The following SHISA7 variants were observed in gnomAD, a reference collection of about 807,000 sequenced individuals.
SHISA7 encodes the protein protein shisa-7.
Under a neutral mutation model 23.9 loss-of-function variants are expected in SHISA7, and 6 were observed. The observed-to-expected ratio is 0.25, with a 90% CI of 0.14 to 0.50. SHISA7 has a LOEUF of 0.50. SHISA7 is among the 20% of genes least tolerant of loss of function. SHISA7 has a pLI of 0.98. For synonymous variants in SHISA7, 386 were observed against 398.3 expected, an observed-to-expected ratio of 0.97 and a Z score of 0.37; for missense variants, 671 against 801.1, an observed-to-expected ratio of 0.84 and a Z score of 1.96.
chr19:55,433,576 C>T lies in SHISA7; in HGVS notation c.1197G>A (p.Glu399=). Residue 399 remains glutamate, a synonymous_variant, in exon 4 of 4, where the codon GAG becomes GAA. Coordinates refer to ENST00000376325, the MANE Select transcript of SHISA7 (RefSeq NM_001145176.2). The surrounding 1 kb of genome is among the most constrained non-coding windows in gnomAD (Gnocchi z 8.4). ...CCAGGCGCGCGCGCGGCAGCGTGAA[C>T]TCGTAGCGCGAACGGCCACCATCGC... ...LLGDGGRSRY[E]FTLPRARLVS... The T allele has an allele frequency of 6.7e-7, 1 of 1,498,636 alleles. No individual in the cohort carries two copies. The highest frequency in any genetic ancestry group is 8.8e-7 in the Non-Finnish European group (1 of 1,130,134). 92.8% of individuals were successfully genotyped at this position (1,498,636 alleles called of 1,614,324 possible). A position where few individuals can be genotyped will look rare whatever the true frequency, so the allele number is the denominator to read the frequency against.
intron 3 of SHISA7, among the ~76,000 whole-genome samples, chr19:55,434,587 GGT>G (rs1244313622): frequency 3.7e-4 from 45 of 121,694 alleles, no homozygotes; most frequent in East Asian, 1.3e-3. Flanking sequence ...GTGTGTGTGT[GGT>G]GTGTGTGTGG....
chr19:55,434,394 TTG>T (rs535760395), intron 3 of SHISA7, among the ~76,000 whole-genome samples: 105 of 104,788 alleles, frequency 1.0e-3, no homozygotes, highest in South Asian at 9.0e-3. Flanking sequence ...GGTGTGTGGT[TTG>T]TGTGTGGTGT....
Position 55,432,408 on chromosome 19 carries a change from T to G in SHISA7, c.*748A>C, listed in dbSNP as rs1985229327. The G allele has an allele frequency of 6.6e-6, 1 of 152,554 alleles. No homozygotes were observed. Among genetic ancestry groups the G allele is most frequent in the Non-Finnish European group, 1.5e-5 (1 of 68,006 alleles). The allele number at this position is 152,554 out of a possible 1,614,324, so 9.5% of individuals were successfully genotyped here. On this transcript the variant is annotated 3_prime_UTR_variant, in exon 4 of 4. Coordinates refer to ENST00000376325, the MANE Select transcript of SHISA7 (RefSeq NM_001145176.2). The surrounding 1 kb of genome is among the most constrained non-coding windows in gnomAD (Gnocchi z 4.6). ...GATGACATCACAGGAAGAGGCACGGTCCCTCTGATGACGTCATAGGGCAAG... is the reference window on the plus strand; with the variant it reads ...GATGACATCACAGGAAGAGGCACGGGCCCTCTGATGACGTCATAGGGCAAG...
chr19:55,440,128 C>T (rs1054760339), intron 2 of SHISA7, among the ~76,000 whole-genome samples: 15 of 152,096 alleles, frequency 9.9e-5, no homozygotes, highest in Admixed American at 1.3e-4. Context: ...TTCATTTGCT[C>T]TTCACCATAA....
intron 1 of SHISA7, 132 bp from the exon 2 acceptor site, chr19:55,440,897 A>G: frequency 3.4e-6 from 3 of 883,508 alleles, no homozygotes; most frequent in Non-Finnish European, 4.5e-6. Flanking sequence ...GCCATTGGCC[A>G]CGCCCCTTTC....
chr19:55,442,544 C>T lies in SHISA7; in HGVS notation c.320G>A (p.Cys107Tyr). The change falls in exon 1 of 4, where the codon TGT (cysteine) becomes TAT (tyrosine). Residue 107 changes from cysteine to tyrosine, a missense_variant. This residue lies in a region of SHISA7 where 48 missense variants were observed against 111.0 expected (regional missense o/e 0.43). Transcript: ENST00000376325. ...GCAGAAGCGGTAGTGGCAGGTGCCACAGCAGAAGCGGTAGGAGCCGGTGCT... is the reference window on the plus strand; with the variant it reads ...GCAGAAGCGGTAGTGGCAGGTGCCATAGCAGAAGCGGTAGGAGCCGGTGCT... Reference protein sequence around the residue: ...NCSTGSYRFCCGTCHYRFCCE... With the variant: ...NCSTGSYRFCYGTCHYRFCCE... 1 of 1,480,580 alleles carries T rather than the reference C, an allele frequency of 6.8e-7. No individual in the cohort carries two copies. 91.7% of individuals were successfully genotyped at this position (1,480,580 alleles called of 1,614,324 possible).
intron 2 of SHISA7, 146 bp downstream of exon 2, chr19:55,440,465 G>A: frequency 1.3e-6 from 1 of 763,842 alleles, no homozygotes; most frequent in Non-Finnish European, 1.8e-6. Flanking sequence ...GCCTTTCGCA[G>A]GGCAGGACCC....
intron 1 of SHISA7, among the ~76,000 whole-genome samples, chr19:55,441,768 C>T (rs998546801): frequency 6.6e-6 from 1 of 152,152 alleles, no homozygotes; most frequent in African/African-American, 2.4e-5. Context: ...TAGGTGGGGA[C>T]GATGATTAGT....
chr19:55,429,375 T>C lies in SHISA7; in HGVS notation c.*3781A>G, dbSNP rs1192953755. On this transcript the variant is annotated 3_prime_UTR_variant, in exon 4 of 4. Coordinates refer to ENST00000376325, the MANE Select transcript of SHISA7 (RefSeq NM_001145176.2). The stretch of plus-strand genomic sequence containing the variant: ...TGGCTCCTTTCTGGGGAAGTCACAG[T>C]TGGCCTGAGCAGTGCGGGGCTGGGG... 6.6e-6 allele frequency: 1 copy of C among 152,618 alleles called. No homozygotes were observed. The highest frequency in any genetic ancestry group is 1.5e-5 in the Non-Finnish European group (1 of 68,472). The allele number at this position is 152,618 out of a possible 1,614,324, so 9.5% of individuals were successfully genotyped here.
At position 55,433,435 on chromosome 19, in the gene SHISA7, G is replaced by A; in HGVS notation, c.1338C>T (p.Ser446=). The change falls in exon 4 of 4, where the codon AGC becomes AGT. Residue 446 remains serine, a synonymous_variant. Transcript: ENST00000376325. The surrounding 1 kb of genome is among the most constrained non-coding windows in gnomAD (Gnocchi z 8.4). ...GCAGGTTGGAGTGCGAGGCGGCCAG[G>A]CTGGCCCGGGCGGTGGGGTCGGGGG... is the stretch of plus-strand genomic sequence containing the variant. ...ALPPDPTARA[S]LAASHSNLLL... 1.5e-6 allele frequency: 2 copies of A among 1,331,094 alleles called. No individual in the cohort carries two copies. Among genetic ancestry groups the A allele is most frequent in the Non-Finnish European group, 1.9e-6 (2 of 1,048,970 alleles). 82.5% of individuals were successfully genotyped at this position (1,331,094 alleles called of 1,614,324 possible).
intron 3 of SHISA7, among the ~76,000 whole-genome samples, chr19:55,434,228 G>GT (rs1985294918): frequency 6.6e-6 from 1 of 152,140 alleles, no homozygotes; most frequent in Non-Finnish European, 1.5e-5. Context: ...GGAATCAGGG[G>GT]TAAGTGTTGG....
At chr19:55,435,286 T>TGATTGAAATATTAAAGG (rs1985420593) in intron 3 of SHISA7, among the ~76,000 whole-genome samples, 1 of 133,486 alleles carries the variant, frequency 7.5e-6, no homozygotes, top group East Asian at 2.3e-4. Flanking sequence ...TGCGTGTGTG[T>TGATTGAAATATTAAAGG]ATATGTGGTG....
Position 55,433,639 on chromosome 19 carries a change from G to A in SHISA7, c.1134C>T (p.Pro378=). Residue 378 remains proline, a synonymous_variant, in exon 4 of 4, where the codon CCC becomes CCT. Coordinates refer to ENST00000376325, the MANE Select transcript of SHISA7 (RefSeq NM_001145176.2). This position sits in a 1 kb window ranked among gnomAD's most constrained non-coding sequence, Gnocchi z 8.4. ...GPEELGLAPA[P]NPRRVMSQEH... ...CCTGGGACATGACCCGCCGGGGGTT[G>A]GGCGCGGGCGCCAGGCCCAGCTCCT... 3 of 1,489,940 alleles carry A rather than the reference G, an allele frequency of 2.0e-6. No homozygotes were observed. Among genetic ancestry groups the A allele is most frequent in the Non-Finnish European group, 1.8e-6 (2 of 1,127,206 alleles). The allele number at this position is 1,489,940 out of a possible 1,614,324, so 92.3% of individuals were successfully genotyped here. A position where few individuals can be genotyped will look rare whatever the true frequency, so the allele number is the denominator to read the frequency against.
At chr19:55,434,767 G>GTATA (rs1985355959) in intron 3 of SHISA7, among the ~76,000 whole-genome samples, 1 of 118,226 alleles carries the variant, frequency 8.5e-6, no homozygotes, top group African/African-American at 3.5e-5. Flanking sequence ...TGTGTGTGGT[G>GTATA]TGTGGTGTGT....
rs1201337528 is a variant in SHISA7, at chr19:55,431,023, AGAT to A, written c.*2130_*2132del. The A allele has an allele frequency of 6.6e-6, 1 of 151,638 alleles. No homozygotes were observed. Among genetic ancestry groups the A allele is most frequent in the African/African-American group, 2.4e-5 (1 of 41,174 alleles). The allele number at this position is 151,638 out of a possible 1,614,324, so 9.4% of individuals were successfully genotyped here. On this transcript the variant is annotated 3_prime_UTR_variant, in exon 4 of 4. Coordinates refer to ENST00000376325, the MANE Select transcript of SHISA7 (RefSeq NM_001145176.2). ...AGCACTGGACCTCATGGATCACAGG[AGAT>A]GATGACACCAGGGTTATGGTGGATC...
At chr19:55,437,829 G>T (rs879689817) in intron 2 of SHISA7, 75 bp from the exon 3 acceptor site, 5 of 1,371,042 alleles carry the variant, frequency 3.6e-6, no homozygotes, top group Non-Finnish European at 1.9e-6. Flanking sequence ...CCCAGCCCCT[G>T]CTCCATCAGA....
Position 55,442,181 on chromosome 19 carries a change from G to C in SHISA7, c.671+12C>G, listed in dbSNP as rs992894752. The C allele has an allele frequency of 7.8e-6, 12 of 1,529,352 alleles. No homozygotes were observed. Among genetic ancestry groups the C allele is most frequent in the Non-Finnish European group, 9.6e-6 (11 of 1,143,240 alleles). 94.7% of individuals were successfully genotyped at this position (1,529,352 alleles called of 1,614,324 possible). Reference sequence around the variant, plus strand: ...CCAGGCTCGCAGTCCTCCCGCCCGAGAGCACACGCACCTGGGCACGTTGAT... The same window carrying C: ...CCAGGCTCGCAGTCCTCCCGCCCGACAGCACACGCACCTGGGCACGTTGAT... On this transcript the variant is annotated intron_variant, in intron 1 of 3. Coordinates refer to ENST00000376325, the MANE Select transcript of SHISA7 (RefSeq NM_001145176.2).
At position 55,442,658 on chromosome 19, in the gene SHISA7, GC is replaced by G; in HGVS notation, c.205del (p.Ala69ArgfsTer75). On this transcript the variant is annotated frameshift_variant, in exon 1 of 4. Transcript: ENST00000376325. LOFTEE classifies it high-confidence loss of function. ...AGGGGGCGCCCGGGCCGCCGCGCCCGCCCCGCCCGCGGGGCCGGTCCTGGTG... is the reference window on the plus strand; with the variant it reads ...AGGGGGCGCCCGGGCCGCCGCGCCCGCCCGCCCGCGGGGCCGGTCCTGGTG... ...NGTRTGPAGGAGAAARAPPPA... is the reference protein window; with the variant it reads ...NGTRTGPAGGXGAAARAPPPA... 1 of 1,279,780 alleles carries G rather than the reference GC, an allele frequency of 7.8e-7. No individual in the cohort carries two copies. The highest frequency in any genetic ancestry group is 1.0e-6 in the Non-Finnish European group (1 of 1,002,524). 79.3% of individuals were successfully genotyped at this position (1,279,780 alleles called of 1,614,324 possible).
rs552105427 is a variant in SHISA7 at position 55,437,884 on chromosome 19, G to A, written c.827-130C>T. 1.9e-5 allele frequency: 22 copies of A among 1,159,470 alleles called. 1 individual carries two copies. The Middle Eastern group carries it at 1.8e-3, about 96-fold the overall frequency. 71.8% of individuals were successfully genotyped at this position (1,159,470 alleles called of 1,614,324 possible). On this transcript the variant is annotated intron_variant, in intron 2 of 3. Transcript: ENST00000376325. ...AGCCCCTCTTCCTTCAGACCCAGGA[G>A]TGCAGGCCCCCAGCCCCTCCACCTC...
Sources: gnomAD v4.1 joint callset for allele counts (sites outside exome capture counted in the v4.1 genomes callset) on GRCh38, gnomAD v4.1.1 for gene constraint, gnomAD v4.1.1 regional missense constraint, Gnocchi (gnomAD v3.1) non-coding constraint, MANE v1.5 for transcripts, NCBI Gene and HGNC (gene_info 2026-07-23, HGNC 2026-07-21) for gene names.